The following RAI1 variants were observed in gnomAD, a reference collection of about 807,000 sequenced individuals.
RAI1 encodes retinoic acid-induced protein 1.
In RAI1, 9 loss-of-function variants were observed where a neutral mutation model predicts 123.8. That is an observed-to-expected ratio of 0.07 (90% CI 0.04 to 0.13). RAI1 has a LOEUF of 0.13. RAI1 is among the 10% of genes least tolerant of loss of function. The pLI, the probability that RAI1 is intolerant of heterozygous loss-of-function variation, is 1.00. For synonymous variants in RAI1, 1,231 were observed against 1,127.3 expected (o/e 1.09, Z -1.84); for missense variants, 2,256 against 2,545.8 (o/e 0.89, Z 2.45).
chr17:17,773,845 C>T (rs1299003320), intron 2 of RAI1, among the ~76,000 whole-genome samples: 2 of 152,168 alleles, frequency 1.3e-5, no homozygotes, highest in African/African-American at 4.8e-5. Flanking sequence ...GTTTCCAAAC[C>T]TTATCCCAGA....
intron 2 of RAI1, among the ~76,000 whole-genome samples, chr17:17,748,145 A>C (rs2029998965): frequency 6.6e-6 from 1 of 152,234 alleles, no homozygotes; most frequent in Admixed American, 6.5e-5. Context: ...GAGGACACCC[A>C]ATCTTCTTTA....
At chr17:17,694,258 A>G (rs377471252) in intron 1 of RAI1, among the ~76,000 whole-genome samples, 2 of 152,214 alleles carry the variant, frequency 1.3e-5, no homozygotes, top group Middle Eastern at 3.4e-3. Context: ...CCTGGGGTGT[A>G]GGTGGGCAGA....
intron 4 of RAI1, among the ~76,000 whole-genome samples, chr17:17,807,517 C>A (rs2032618170): frequency 1.3e-5 from 2 of 152,256 alleles, no homozygotes; most frequent in African/African-American, 4.8e-5. Flanking sequence ...CCACAGTGTC[C>A]TGTCTCAACC....
chr17:17,745,603 G>A lies in RAI1; in HGVS notation c.-17+21444G>A, dbSNP rs575934855. ...GGTAAAGACAGGGTTTCACCATGTTGGCCAGGCTGGTCTCAAACTCCTGAC... is the reference window on the plus strand; with the variant it reads ...GGTAAAGACAGGGTTTCACCATGTTAGCCAGGCTGGTCTCAAACTCCTGAC... On this transcript the variant is annotated intron_variant, in intron 2 of 5. Transcript: ENST00000353383. 2.6e-5 allele frequency among the ~76,000 whole-genome samples: 4 copies of A among 152,190 alleles called. No individual in the cohort carries two copies. In the South Asian group the frequency reaches 8.3e-4, roughly 32 times the overall value.
In RAI1 at chr17:17,810,367, C is replaced by T. The variant is rs1356304507; in HGVS notation, c.*386C>T. The T allele has an allele frequency of 1.3e-5, 4 of 301,494 alleles. No individual in the cohort carries two copies. Among genetic ancestry groups the T allele is most frequent in the Non-Finnish European group, 2.5e-5 (4 of 160,922 alleles). 18.7% of individuals were successfully genotyped at this position (301,494 alleles called of 1,614,324 possible). On this transcript the variant is annotated 3_prime_UTR_variant, in exon 6 of 6. Coordinates refer to ENST00000353383, the MANE Select transcript of RAI1 (RefSeq NM_030665.4). This position sits in a 1 kb window ranked among gnomAD's most constrained non-coding sequence, Gnocchi z 4.6. ...TCTGGAATCTCAAGACGACGTGGCACACATTCCACGTGGGTGCTGCCGCCA... is the reference window on the plus strand; with the variant it reads ...TCTGGAATCTCAAGACGACGTGGCATACATTCCACGTGGGTGCTGCCGCCA...
At chr17:17,726,998 A>G (rs1898193767) in intron 2 of RAI1, among the ~76,000 whole-genome samples, 1 of 152,218 alleles carries the variant, frequency 6.6e-6, no homozygotes, top group Admixed American at 6.5e-5. Context: ...AATTTACTTA[A>G]TATTCCCCTT....
intron 1 of RAI1, among the ~76,000 whole-genome samples, chr17:17,703,593 G>C (rs1043224305): frequency 1.3e-5 from 2 of 152,142 alleles, no homozygotes; most frequent in African/African-American, 2.4e-5. Flanking sequence ...TGAAAACTGA[G>C]GCTCATAGAG....
rs565399478 is a variant in RAI1 at position 17,693,703 on chromosome 17, G to A, written c.-149+11910G>A. 6.6e-5 allele frequency among the ~76,000 whole-genome samples: 10 copies of A among 152,364 alleles called. No individual in the cohort carries two copies. The East Asian group carries it at 1.5e-3, about 24-fold the overall frequency. ...GAGAAAGACATCGGATCCAGGGGGAGCAGCAGAGAAAGCAAACAAACAGGG... is the reference window on the plus strand; with the variant it reads ...GAGAAAGACATCGGATCCAGGGGGAACAGCAGAGAAAGCAAACAAACAGGG... On this transcript the variant is annotated intron_variant, in intron 1 of 5. Transcript: ENST00000353383.
rs1232033241 is a variant in RAI1, at chr17:17,809,958, C to G, written c.5710-12C>G. The G allele has an allele frequency of 8.4e-6, 13 of 1,556,800 alleles. No homozygotes were observed. The highest frequency in any genetic ancestry group is 1.0e-5 in the Non-Finnish European group (12 of 1,152,350). On this transcript the variant is annotated splice_polypyrimidine_tract_variant and intron_variant, in intron 5 of 5. Transcript: ENST00000353383. This position sits in a 1 kb window ranked among gnomAD's most constrained non-coding sequence, Gnocchi z 4.9. ...AGGTCGTCGGTAACTGGCGGGCGGG[C>G]GTCTTTTGCAGAGGCTGCCGTAGTA... is the stretch of plus-strand genomic sequence containing the variant.
intron 1 of RAI1, among the ~76,000 whole-genome samples, chr17:17,694,555 T>C (rs965799928): frequency 6.6e-6 from 1 of 151,892 alleles, no homozygotes; most frequent in Non-Finnish European, 1.5e-5. Context: ...TTTCCTTTCC[T>C]CTCTCCCCGA....
intron 2 of RAI1, among the ~76,000 whole-genome samples, chr17:17,783,335 C>T (rs932070108): frequency 1.1e-4 from 17 of 151,280 alleles, no homozygotes; most frequent in African/African-American, 4.1e-4. Context: ...CTGGGGTCAG[C>T]GGGCTGGGCT....
At chr17:17,752,215 G>A (rs1267432395) in intron 2 of RAI1, among the ~76,000 whole-genome samples, 2 of 152,158 alleles carry the variant, frequency 1.3e-5, no homozygotes, top group Non-Finnish European at 2.9e-5. Context: ...GCGGCGCGCG[G>A]GCGCAGGTAG....
intron 2 of RAI1, among the ~76,000 whole-genome samples, chr17:17,771,872 C>G (rs1167151959): frequency 6.6e-6 from 1 of 152,220 alleles, no homozygotes; most frequent in African/African-American, 2.4e-5. Flanking sequence ...AGGGAGGCCA[C>G]CACCATACAG....
chr17:17,690,284 G>C lies in RAI1; in HGVS notation c.-149+8491G>C, dbSNP rs537995972. On this transcript the variant is annotated intron_variant, in intron 1 of 5. Coordinates refer to ENST00000353383, the MANE Select transcript of RAI1 (RefSeq NM_030665.4). The stretch of plus-strand genomic sequence containing the variant: ...CGCCTGTAATCCCAGCTACTCAGGA[G>C]GCTGAGGCAGGAGAATTGCCTGAAC... 2.6e-5 allele frequency among the ~76,000 whole-genome samples: 4 copies of C among 152,120 alleles called. No homozygotes were observed. The East Asian group carries it at 7.7e-4, about 29-fold the overall frequency.
chr17:17,694,664 C>T (rs903888464), intron 1 of RAI1, among the ~76,000 whole-genome samples: 6 of 151,742 alleles, frequency 4.0e-5, no homozygotes, highest in Admixed American at 6.6e-5. Flanking sequence ...GCCGGAGCCT[C>T]CTCCGCGGTG....
Position 17,723,157 on chromosome 17 carries a change from T to A in RAI1, c.-148-871T>A, listed in dbSNP as rs557807457. On this transcript the variant is annotated intron_variant, in intron 1 of 5. Coordinates refer to ENST00000353383, the MANE Select transcript of RAI1 (RefSeq NM_030665.4). ...GGCCACACAACTGCCCTCTGGACAC[T>A]CAGCCCCACGCAGGCACAATCCCAT... is the stretch of plus-strand genomic sequence containing the variant. Among the ~76,000 whole-genome samples the A allele has an allele frequency of 6.6e-5, 10 of 151,818 alleles. No homozygotes were observed. The South Asian group carries it at 1.7e-3, about 25-fold the overall frequency.
chr17:17,727,525 G>A (rs746666092), intron 2 of RAI1, among the ~76,000 whole-genome samples: 7 of 152,220 alleles, frequency 4.6e-5, no homozygotes, highest in Admixed American at 6.5e-5. Context: ...GACTGGGTGT[G>A]TTCACGGGAT....
chr17:17,783,838 C>T (rs2031718726), intron 2 of RAI1, among the ~76,000 whole-genome samples: 1 of 152,130 alleles, frequency 6.6e-6, no homozygotes, highest in African/African-American at 2.4e-5. Flanking sequence ...CAGAGCCGGC[C>T]CCGCTTCGTT....
intron 2 of RAI1, among the ~76,000 whole-genome samples, chr17:17,781,349 A>G (rs1386606843): frequency 2.6e-5 from 4 of 152,170 alleles, no homozygotes; most frequent in African/African-American, 9.7e-5. Context: ...GCAGTCTGCA[A>G]AATGTCAAGT....
Sources: gnomAD v4.1 joint callset for allele counts (sites outside exome capture counted in the v4.1 genomes callset) on GRCh38, gnomAD v4.1.1 for gene constraint, Gnocchi (gnomAD v3.1) non-coding constraint, MANE v1.5 for transcripts, NCBI Gene and HGNC (gene_info 2026-07-23, HGNC 2026-07-21) for gene names.